The following ADAM9 variants were observed in gnomAD, a reference collection of about 807,000 sequenced individuals.
ADAM9 encodes ADAM metallopeptidase domain 9.
A neutral mutation model predicts 108.1 loss-of-function variants in ADAM9; 54 were observed. The ratio of observed to expected loss-of-function variants is 0.50; its 90% confidence interval spans 0.40 to 0.63. ADAM9 has a LOEUF of 0.63. Among genes scored for constraint, ADAM9 ranks in the 20% least tolerant of loss-of-function variants. The probability of loss-of-function intolerance (pLI) is 0.00; values close to 1 mark genes in which losing one functional copy is unlikely to be tolerated. For synonymous variants in ADAM9, 316 were observed against 336.0 expected (o/e 0.94, Z 0.65); for missense variants, 830 against 997.7 (o/e 0.83, Z 2.26).
Position 38,997,022 on chromosome 8 carries a change from G to T in ADAM9, c.-42G>T. On this transcript the variant is annotated 5_prime_UTR_variant, in exon 1 of 22. The change creates a premature stop within an existing upstream ORF in the 5' untranslated region. Coordinates refer to ENST00000487273, the MANE Select transcript of ADAM9 (RefSeq NM_003816.3). ...GAAAATGATGGAAGAGGCGGAGGTG[G>T]AGGCGACCGAGTGCTGAGAGGAACC... 6.3e-7 allele frequency: 1 copy of T among 1,596,356 alleles called. No individual in the cohort carries two copies. Among genetic ancestry groups the T allele is most frequent in the Non-Finnish European group, 8.5e-7 (1 of 1,176,364 alleles).
intron 18 of ADAM9, among the ~76,000 whole-genome samples, chr8:39,089,312 A>T (rs535052385): frequency 6.6e-6 from 1 of 152,332 alleles, no homozygotes; most frequent in African/African-American, 2.4e-5. Context: ...AAATTCTATA[A>T]GAGAAAATTT....
Position 39,026,826 on chromosome 8 carries a change from C to CT in ADAM9, c.1130+18dup, listed in dbSNP as rs767180946. On this transcript the variant is annotated intron_variant, in intron 11 of 21. Coordinates refer to ENST00000487273, the MANE Select transcript of ADAM9 (RefSeq NM_003816.3). Reference sequence around the variant, plus strand: ...CAGGAGCATCGTGAGTACCTGGGTTCTTCTTCTCCTTTATTTGGTATTGTA... The same window carrying CT: ...CAGGAGCATCGTGAGTACCTGGGTTCTTTCTTCTCCTTTATTTGGTATTGTA... The CT allele has an allele frequency of 7.7e-5, 124 of 1,603,016 alleles. No individual in the cohort carries two copies. The highest frequency in any genetic ancestry group is 1.1e-4 in the African/African-American group (8 of 71,688).
At chr8:39,087,240 A>AT (rs375208643) in intron 18 of ADAM9, among the ~76,000 whole-genome samples, 32 of 147,716 alleles carry the variant, frequency 2.2e-4, no homozygotes, top group South Asian at 6.5e-4. Context: ...TAAGGCTCAC[A>AT]TTTTTTTTTT....
At chr8:39,013,590 ACTC>A (rs1836429952) in intron 3 of ADAM9, among the ~76,000 whole-genome samples, 1 of 150,400 alleles carries the variant, frequency 6.6e-6, no homozygotes, top group South Asian at 2.1e-4. Context: ...GCAGCCTTGA[ACTC>A]CTGGGCTTAA....
intron 20 of ADAM9, among the ~76,000 whole-genome samples, chr8:39,100,118 C>G (rs1839641704): frequency 6.6e-6 from 1 of 151,940 alleles, no homozygotes; most frequent in Admixed American, 6.5e-5. Flanking sequence ...TGTGATCCAC[C>G]TGCCTCAGCC....
intron 12 of ADAM9, among the ~76,000 whole-genome samples, chr8:39,053,567 A>C (rs1329636735): frequency 1.3e-5 from 2 of 152,198 alleles, no homozygotes; most frequent in Non-Finnish European, 2.9e-5. Flanking sequence ...GTTGCAAAAT[A>C]ATATAGAGTC....
intron 14 of ADAM9, among the ~76,000 whole-genome samples, chr8:39,061,501 T>C (rs1838297782): frequency 6.6e-6 from 1 of 152,220 alleles, no homozygotes; most frequent in Non-Finnish European, 1.5e-5. Context: ...TCTGTGTTCC[T>C]GAAAGGTCGA....
At chr8:39,031,067 A>G (rs1837080962) in intron 11 of ADAM9, among the ~76,000 whole-genome samples, 1 of 152,338 alleles carries the variant, frequency 6.6e-6, no homozygotes, top group East Asian at 1.9e-4. Context: ...TTCACAGAGC[A>G]TACATTTAAT....
At chr8:39,002,579 C>T (rs565583212) in intron 1 of ADAM9, among the ~76,000 whole-genome samples, 1 of 152,010 alleles carries the variant, frequency 6.6e-6, no homozygotes, top group African/African-American at 2.4e-5. Flanking sequence ...CCTCGGCCTC[C>T]CAAATTGCTG....
At chr8:39,058,432 G>A (rs1050163293) in intron 14 of ADAM9, among the ~76,000 whole-genome samples, 2 of 152,168 alleles carry the variant, frequency 1.3e-5, no homozygotes, top group African/African-American at 4.8e-5. Flanking sequence ...TGAAGGGTCT[G>A]GGCCATTTGT....
intron 12 of ADAM9, among the ~76,000 whole-genome samples, chr8:39,045,121 TGTGTGCATACATAC>T (rs1837625076): frequency 2.1e-5 from 2 of 93,204 alleles, no homozygotes; most frequent in Admixed American, 1.1e-4. Context: ...TACATATGTG[TGTGTGCATACATAC>T]ATATATGTGT....
rs530614431 is a variant in ADAM9, at chr8:39,026,036, G to C, written c.996+152G>C. 1.1e-4 allele frequency: 81 copies of C among 745,104 alleles called. No homozygotes were observed. The African/African-American group carries it at 1.1e-3, about 10-fold the overall frequency. 46.2% of individuals were successfully genotyped at this position (745,104 alleles called of 1,614,324 possible). On this transcript the variant is annotated intron_variant, in intron 10 of 21. Coordinates refer to ENST00000487273, the MANE Select transcript of ADAM9 (RefSeq NM_003816.3). ...GTCGCAGATGGGTTCTTTCCCCAGA[G>C]ACTGGGTCAAGTTTTTAAATATGTG...
rs1835946711 is a variant in ADAM9, at chr8:39,000,035, T to C, written c.97+2875T>C. On this transcript the variant is annotated intron_variant, in intron 1 of 21. Coordinates refer to ENST00000487273, the MANE Select transcript of ADAM9 (RefSeq NM_003816.3). ...CAGTAGCTAATCCCTCACAGTCTTT[T>C]TTTTTTTGAGATGGAGTCTTGCTGT... Among the ~76,000 whole-genome samples the C allele has an allele frequency of 2.6e-5, 4 of 152,206 alleles. No homozygotes were observed. The South Asian group carries it at 8.3e-4, about 32-fold the overall frequency.
At chr8:39,038,888 A>C (rs1315327601) in intron 11 of ADAM9, among the ~76,000 whole-genome samples, 2 of 152,136 alleles carry the variant, frequency 1.3e-5, no homozygotes, top group African/African-American at 4.8e-5. Context: ...TTGATAGTTT[A>C]TGTTCTTTCT....
At chr8:39,021,747 C>A in intron 8 of ADAM9, 33 bp downstream of exon 8, 1 of 1,570,238 alleles carries the variant, frequency 6.4e-7, no homozygotes, top group African/African-American at 1.4e-5. Context: ...CAGGATGATT[C>A]TGTCCTATTC....
At chr8:39,086,882 C>G (rs948703292) in intron 18 of ADAM9, among the ~76,000 whole-genome samples, 13 of 152,190 alleles carry the variant, frequency 8.5e-5, no homozygotes, top group Non-Finnish European at 1.9e-4. Context: ...GTTTATCCTG[C>G]TTAGTACCAC....
intron 12 of ADAM9, among the ~76,000 whole-genome samples, chr8:39,051,349 C>T (rs1029174403): frequency 3.3e-5 from 5 of 152,098 alleles, no homozygotes; most frequent in Non-Finnish European, 7.4e-5. Flanking sequence ...TTCAGTGTGG[C>T]TGGTTTTACA....
At chr8:39,011,831 A>C (rs752792636) in intron 3 of ADAM9, 115 bp downstream of exon 3, 116 of 997,666 alleles carry the variant, frequency 1.2e-4, no homozygotes, top group Non-Finnish European at 1.7e-4. Context: ...AAGCAGATTT[A>C]GCTCTTCATA....
At chr8:39,024,122 G>C (rs1836845230) in intron 9 of ADAM9, among the ~76,000 whole-genome samples, 1 of 152,076 alleles carries the variant, frequency 6.6e-6, no homozygotes, top group Non-Finnish European at 1.5e-5. Flanking sequence ...ATTACTATTG[G>C]GAAGTCTGAA....
Sources: allele counts gnomAD v4.1 joint callset (sites outside exome capture counted in the v4.1 genomes callset), GRCh38; gene constraint gnomAD v4.1.1; transcripts MANE v1.5; gene names NCBI Gene and HGNC (gene_info 2026-07-23, HGNC 2026-07-21).